The following PLCL1 variants were observed in gnomAD, a reference collection of about 807,000 sequenced individuals.
PLCL1 encodes the protein inactive phospholipase C-like protein 1.
In PLCL1, 41 loss-of-function variants were observed where a neutral mutation model predicts 84.4. The ratio of observed to expected loss-of-function variants is 0.49; its 90% CI spans 0.38 to 0.63. PLCL1 has a LOEUF of 0.63. Among genes scored for constraint, PLCL1 ranks in the 30% least tolerant of loss-of-function variants. The pLI, the probability that PLCL1 is intolerant of heterozygous loss-of-function variation, is 0.00. For synonymous variants in PLCL1, 490 were observed against 488.3 expected (o/e 1.00, Z -0.05); for missense variants, 1,206 against 1,367.8 (o/e 0.88, Z 1.87).
In PLCL1 at chr2:198,085,280, T is replaced by C; in HGVS notation, c.1763T>C (p.Leu588Ser). ...CGACTCTGTAGGGAGCTCTCTGATT[T>C]GGTGTCTATTTGTAAATCTGTTCAA... ...QIRLCRELSD[L>S]VSICKSVQYR... Residue 588 changes from leucine to serine, a missense_variant, in exon 2 of 6, where the codon TTG becomes TCG. Coordinates refer to ENST00000428675, the MANE Select transcript of PLCL1 (RefSeq NM_006226.4). The surrounding 1 kb of genome is among the most constrained non-coding windows in gnomAD (Gnocchi z 5.3). 6 of 1,614,018 alleles carry C rather than the reference T, an allele frequency of 3.7e-6. No individual in the cohort carries two copies. Among genetic ancestry groups the C allele is most frequent in the Non-Finnish European group, 5.1e-6 (6 of 1,179,898 alleles).
intron 3 of PLCL1, among the ~76,000 whole-genome samples, chr2:198,096,566 C>G (rs1383843274): frequency 6.6e-6 from 1 of 152,076 alleles, no homozygotes; most frequent in Non-Finnish European, 1.5e-5. Context: ...GAGGTTGCAA[C>G]TGTAAGAAAT....
At chr2:197,905,293 G>C (rs553867618) in intron 1 of PLCL1, among the ~76,000 whole-genome samples, 2 of 152,250 alleles carry the variant, frequency 1.3e-5, no homozygotes, top group East Asian at 3.9e-4. Flanking sequence ...TCCCCTCCCT[G>C]TGTCCATGTG....
At chr2:198,025,671 A>G (rs747914599) in intron 1 of PLCL1, among the ~76,000 whole-genome samples, 8 of 152,136 alleles carry the variant, frequency 5.3e-5, no homozygotes, top group Non-Finnish European at 8.8e-5. Context: ...TTATAAACTA[A>G]AAAAATGTTT....
At chr2:197,947,583 T>C (rs1351981535) in intron 1 of PLCL1, among the ~76,000 whole-genome samples, 2 of 152,122 alleles carry the variant, frequency 1.3e-5, no homozygotes, top group Non-Finnish European at 2.9e-5. Flanking sequence ...AGGCTGGGAA[T>C]GTGCAAAGTA....
intron 1 of PLCL1, among the ~76,000 whole-genome samples, chr2:197,884,033 CTAATTTTTTCA>C (rs1687875426): frequency 6.6e-6 from 1 of 152,176 alleles, no homozygotes; most frequent in Non-Finnish European, 1.5e-5. Flanking sequence ...TTCTCTGACA[CTAATTTTTTCA>C]TATTTAAAAT....
At chr2:197,860,724 T>C (rs1421126381) in intron 1 of PLCL1, among the ~76,000 whole-genome samples, 1 of 152,132 alleles carries the variant, frequency 6.6e-6, no homozygotes, top group African/African-American at 2.4e-5. Context: ...AATGGGACCG[T>C]TTTTCTTGTA....
chr2:198,118,951 G>A (rs1285335587), intron 5 of PLCL1, among the ~76,000 whole-genome samples: 1 of 151,984 alleles, frequency 6.6e-6, no homozygotes, highest in East Asian at 1.9e-4. Flanking sequence ...TAAATCTTCA[G>A]TCATTTCAAA....
At chr2:198,022,462 T>C (rs544072123) in intron 1 of PLCL1, among the ~76,000 whole-genome samples, 2 of 152,220 alleles carry the variant, frequency 1.3e-5, no homozygotes, top group African/African-American at 4.8e-5. Flanking sequence ...AGTCAAATTA[T>C]CTGTTTGCAG....
At chr2:197,901,330 T>C (rs1688262817) in intron 1 of PLCL1, among the ~76,000 whole-genome samples, 1 of 152,188 alleles carries the variant, frequency 6.6e-6, no homozygotes, top group African/African-American at 2.4e-5. Context: ...GGCAAAAATA[T>C]ACAATCTTTT....
At chr2:198,053,486 A>G (rs1360997981) in intron 1 of PLCL1, among the ~76,000 whole-genome samples, 1 of 152,206 alleles carries the variant, frequency 6.6e-6, no homozygotes, top group Non-Finnish European at 1.5e-5. Context: ...CCCTCCAGCC[A>G]AGGAGTGGTA....
In PLCL1 at chr2:198,088,863, A is replaced by T; in HGVS notation, c.2721A>T (p.Ala907=). Residue 907 remains alanine, a synonymous_variant, in exon 3 of 6, where the codon GCA becomes GCT. Coordinates refer to ENST00000428675, the MANE Select transcript of PLCL1 (RefSeq NM_006226.4). ...AIDMRENMQN[A]IVSIKELCGL... ...CCATGTTTTCTTCCTCACAGAATGCAATCGTGTCTATTAAGGAACTATGTG... is the reference window on the plus strand; with the variant it reads ...CCATGTTTTCTTCCTCACAGAATGCTATCGTGTCTATTAAGGAACTATGTG... The T allele has an allele frequency of 6.3e-7, 1 of 1,599,918 alleles. No individual in the cohort carries two copies. The highest frequency in any genetic ancestry group is 8.6e-7 in the Non-Finnish European group (1 of 1,167,134).
chr2:198,106,941 A>C (rs1203618187), intron 5 of PLCL1, among the ~76,000 whole-genome samples: 1 of 151,888 alleles, frequency 6.6e-6, no homozygotes, highest in Non-Finnish European at 1.5e-5. Context: ...GGTTCTATCC[A>C]CTACACTGTT....
At chr2:197,995,787 G>A (rs1690449445) in intron 1 of PLCL1, among the ~76,000 whole-genome samples, 2 of 152,280 alleles carry the variant, frequency 1.3e-5, no homozygotes, top group East Asian at 1.9e-4. Context: ...TGCCCAGCTG[G>A]CTGCTGGTAT....
chr2:197,831,453 G>C (rs530635272), intron 1 of PLCL1, among the ~76,000 whole-genome samples: 85 of 152,116 alleles, frequency 5.6e-4, no homozygotes, highest in African/African-American at 2.0e-3. Context: ...AGGGATCAAT[G>C]CAACAAGAAG....
chr2:197,866,133 ATATATAAAC>A (rs1687533333), intron 1 of PLCL1, among the ~76,000 whole-genome samples: 1 of 17,948 alleles, frequency 5.6e-5, no homozygotes, highest in Non-Finnish European at 9.9e-5. Context: ...AACTATATAT[ATATATAAAC>A]TATATATATA....
intron 1 of PLCL1, among the ~76,000 whole-genome samples, chr2:197,862,173 G>A (rs1319376270): frequency 6.6e-6 from 1 of 152,108 alleles, no homozygotes; most frequent in Non-Finnish European, 1.5e-5. Context: ...CCTGTTAAAT[G>A]ATTATGAGAA....
chr2:197,924,972 A>G (rs1001135784), intron 1 of PLCL1, among the ~76,000 whole-genome samples: 3 of 152,208 alleles, frequency 2.0e-5, no homozygotes, highest in Non-Finnish European at 4.4e-5. Context: ...CGGGCAATCA[A>G]ACAATCTGAA....
intron 1 of PLCL1, among the ~76,000 whole-genome samples, chr2:197,937,578 A>T (rs192067651): frequency 1.2e-4 from 18 of 152,128 alleles, no homozygotes; most frequent in Non-Finnish European, 2.9e-5. Flanking sequence ...TCTTTGTCTC[A>T]TCTCCCTCAC....
chr2:198,051,776 C>T (rs564266629), intron 1 of PLCL1, among the ~76,000 whole-genome samples: 17 of 152,256 alleles, frequency 1.1e-4, no homozygotes, highest in Non-Finnish European at 2.1e-4. Flanking sequence ...TGCTCTGTCG[C>T]CAGGCTGGAG....
Sources: gnomAD v4.1 joint callset for allele counts (sites outside exome capture counted in the v4.1 genomes callset) on GRCh38, gnomAD v4.1.1 for gene constraint, Gnocchi (gnomAD v3.1) non-coding constraint, MANE v1.5 for transcripts, NCBI Gene and HGNC (gene_info 2026-07-23, HGNC 2026-07-21) for gene names.